The following VPS13B variants were observed in gnomAD, a reference collection of about 807,000 sequenced individuals.
VPS13B encodes vacuolar protein sorting 13 homolog B.
VPS13B carries 285 observed loss-of-function variants against 426.4 expected under a neutral mutation model. The ratio of observed to expected loss-of-function variants is 0.67; its 90% CI spans 0.61 to 0.74. The LOEUF (loss-of-function observed/expected upper bound fraction) is 0.74. VPS13B is among the 30% of genes least tolerant of loss of function. VPS13B has a pLI of 0.00. For synonymous variants in VPS13B, 1,676 were observed against 1,676.4 expected, an observed-to-expected ratio of 1.00 and a Z score of 0.01; for missense variants, 4,537 against 4,782.6, an observed-to-expected ratio of 0.95 and a Z score of 1.51.
chr8:99,129,389 C>T (rs1047647819), intron 8 of VPS13B, among the ~76,000 whole-genome samples: 1 of 150,720 alleles, frequency 6.6e-6, no homozygotes, highest in African/African-American at 2.4e-5. Context: ...CATAGTGAGA[C>T]CCTGTCTGTA....
intron 54 of VPS13B, among the ~76,000 whole-genome samples, chr8:99,843,727 G>T (rs1815830216): frequency 6.6e-6 from 1 of 152,204 alleles, no homozygotes; most frequent in African/African-American, 2.4e-5. Flanking sequence ...AATCCTGAAG[G>T]AGCTCTTACC....
chr8:99,234,809 C>A (rs1816551911), intron 17 of VPS13B, among the ~76,000 whole-genome samples: 1 of 152,210 alleles, frequency 6.6e-6, no homozygotes, highest in East Asian at 1.9e-4. Flanking sequence ...TGCAACAAGT[C>A]TCCCAAAGTA....
chr8:99,678,347 A>G (rs528673389), intron 35 of VPS13B, among the ~76,000 whole-genome samples: 29 of 152,012 alleles, frequency 1.9e-4, no homozygotes, highest in Admixed American at 1.8e-3. Flanking sequence ...TTACTTCCTC[A>G]TTCTGTTTAC....
intron 22 of VPS13B, 28 bp downstream of exon 22, chr8:99,431,692 A>G (rs1457564596): frequency 1.9e-6 from 3 of 1,603,192 alleles, no homozygotes; most frequent in Non-Finnish European, 2.6e-6. Context: ...AATATTATGG[A>G]TATAATTTCT....
intron 16 of VPS13B, among the ~76,000 whole-genome samples, chr8:99,181,407 A>AT: frequency 1.3e-5 from 2 of 152,276 alleles, no homozygotes; most frequent in South Asian, 4.1e-4. Context: ...TGGTTTATGT[A>AT]TTATAGTGGT....
intron 33 of VPS13B, among the ~76,000 whole-genome samples, chr8:99,637,356 A>G (rs1270984863): frequency 6.6e-6 from 1 of 151,768 alleles, no homozygotes; most frequent in African/African-American, 2.4e-5. Flanking sequence ...TTAGAGGCTT[A>G]AAAAAAATGG....
chr8:99,761,777 G>C (rs1810941383), intron 39 of VPS13B, among the ~76,000 whole-genome samples: 1 of 151,918 alleles, frequency 6.6e-6, no homozygotes, highest in Non-Finnish European at 1.5e-5. Flanking sequence ...TATATTCTTT[G>C]TTGTACTTGT....
chr8:99,844,818 C>A (rs567988839), intron 54 of VPS13B, among the ~76,000 whole-genome samples: 1 of 152,290 alleles, frequency 6.6e-6, no homozygotes, highest in East Asian at 1.9e-4. Flanking sequence ...TCTAACTTTG[C>A]AAGGTTCTAC....
At chr8:99,718,064 A>T (rs1563879980) in intron 37 of VPS13B, among the ~76,000 whole-genome samples, 2 of 145,142 alleles carry the variant, frequency 1.4e-5, no homozygotes, top group East Asian at 2.0e-4. Context: ...GCCGGGTTGA[A>T]TTTTTTTTTT....
intron 23 of VPS13B, among the ~76,000 whole-genome samples, chr8:99,458,764 T>C (rs936805388): frequency 6.6e-6 from 1 of 152,050 alleles, no homozygotes; most frequent in African/African-American, 2.4e-5. Context: ...TTTGATGGGG[T>C]TGTTTGTTTT....
Position 99,543,572 on chromosome 8 carries a change from G to T in VPS13B, c.4746-12878G>T, listed in dbSNP as rs1274643157. Among the ~76,000 whole-genome samples the T allele has an allele frequency of 5.9e-5, 9 of 151,958 alleles. No individual in the cohort carries two copies. The East Asian group carries it at 1.4e-3, about 23-fold the overall frequency. Reference sequence around the variant, plus strand: ...TTTTGCAACCTACTCATCTGACAAAGGGCTAATATCCAGAATCTACAAAGA... The same window carrying T: ...TTTTGCAACCTACTCATCTGACAAATGGCTAATATCCAGAATCTACAAAGA... On this transcript the variant is annotated intron_variant, in intron 30 of 61. Coordinates refer to ENST00000357162, the MANE Select transcript of VPS13B (RefSeq NM_152564.5).
At chr8:99,507,285 G>C (rs1821553396) in intron 28 of VPS13B, 82 bp downstream of exon 28, 1 of 1,412,830 alleles carries the variant, frequency 7.1e-7, no homozygotes, top group African/African-American at 1.4e-5. Context: ...AGGACTAATG[G>C]TTACAAGAAT....
chr8:99,752,001 A>G (rs774888900), intron 39 of VPS13B, among the ~76,000 whole-genome samples: 10 of 152,222 alleles, frequency 6.6e-5, no homozygotes, highest in Middle Eastern at 6.8e-3. Context: ...TTTTCTTTCT[A>G]GGGAGACAAC....
chr8:99,725,197 T>A (rs576749882), intron 39 of VPS13B, among the ~76,000 whole-genome samples: 1 of 152,240 alleles, frequency 6.6e-6, no homozygotes, highest in Admixed American at 6.5e-5. Flanking sequence ...CTTGAACTTA[T>A]GTGTCCCCAT....
At chr8:99,019,368 G>A (rs532610951) in intron 2 of VPS13B, among the ~76,000 whole-genome samples, 48 of 151,860 alleles carry the variant, frequency 3.2e-4, no homozygotes, top group African/African-American at 1.1e-3. Context: ...GACAACACCC[G>A]GCTAATTTTT....
intron 40 of VPS13B, among the ~76,000 whole-genome samples, chr8:99,767,425 T>C (rs1007515658): frequency 1.2e-4 from 18 of 147,674 alleles, no homozygotes; most frequent in Non-Finnish European, 2.5e-4. Context: ...TAGGAATATT[T>C]TCATCTTAAT....
At chr8:99,270,131 C>CTTTTTTTTTTTTTTTTTTT in intron 17 of VPS13B, among the ~76,000 whole-genome samples, 409 of 30,312 alleles carry the variant, frequency 0.013, 182 homozygotes, top group Middle Eastern at 0.056. Context: ...ATATAAGAAT[C>CTTTTTTTTTTTTTTTTTTT]TTTTTTTTTT....
intron 19 of VPS13B, among the ~76,000 whole-genome samples, chr8:99,311,382 T>C (rs907666419): frequency 3.9e-5 from 6 of 152,198 alleles, no homozygotes; most frequent in African/African-American, 2.4e-5. Context: ...TTTTTTCTCA[T>C]TGGTTTCAAA....
intron 60 of VPS13B, 127 bp from the exon 61 acceptor site, chr8:99,871,321 A>G (rs1156364558): frequency 7.2e-7 from 1 of 1,392,078 alleles, no homozygotes; most frequent in Non-Finnish European, 1.0e-6. Flanking sequence ...TCAAGCTAAA[A>G]TGGGTAACTG....
Sources: allele counts gnomAD v4.1 joint callset (sites outside exome capture counted in the v4.1 genomes callset), GRCh38; gene constraint gnomAD v4.1.1; transcripts MANE v1.5; gene names NCBI Gene and HGNC (gene_info 2026-07-23, HGNC 2026-07-21).